Variants in JADE2 observed in about 807,000 individuals in gnomAD.
JADE2 encodes the protein E3 ubiquitin-protein ligase Jade-2.
A neutral mutation model predicts 85.7 loss-of-function variants in JADE2; 13 were observed. The observed-to-expected ratio is 0.15, with a 90% CI of 0.10 to 0.24. JADE2 has a LOEUF of 0.24. Ranked by LOEUF, JADE2 falls within the 10% of genes least tolerant of loss-of-function variation. The pLI, the probability that JADE2 is intolerant of heterozygous loss-of-function variation, is 1.00. For missense variants in JADE2, 846 were observed against 1,115.9 expected, an observed-to-expected ratio of 0.76 and a Z score of 3.45; for synonymous variants, 440 against 456.1, an observed-to-expected ratio of 0.96 and a Z score of 0.45.
At chr5:134,538,860 C>CTT (rs541295980) in intron 3 of JADE2, among the ~76,000 whole-genome samples, 2 of 141,612 alleles carry the variant, frequency 1.4e-5, no homozygotes, top group Admixed American at 7.1e-5. Flanking sequence ...AATCCTGGCT[C>CTT]TTTTTTTTTT....
chr5:134,552,758 G>T (rs1175694803), intron 4 of JADE2, among the ~76,000 whole-genome samples: 1 of 151,908 alleles, frequency 6.6e-6, no homozygotes, highest in Non-Finnish European at 1.5e-5. Context: ...CTGAAGCCTT[G>T]ACCTCCCAGG....
At chr5:134,577,314 C>T (rs540781752) in intron 11 of JADE2, among the ~76,000 whole-genome samples, 4 of 152,338 alleles carry the variant, frequency 2.6e-5, no homozygotes, top group African/African-American at 9.6e-5. Context: ...GCAGCAGACT[C>T]TCCTGGAGCT....
intron 3 of JADE2, among the ~76,000 whole-genome samples, chr5:134,540,664 C>G (rs1005122759): frequency 1.3e-5 from 2 of 152,190 alleles, no homozygotes; most frequent in African/African-American, 4.8e-5. Context: ...ACATGAAGAA[C>G]CTGTCTTTCG....
chr5:134,542,850 A>C (rs1762053331), intron 3 of JADE2, among the ~76,000 whole-genome samples: 1 of 151,934 alleles, frequency 6.6e-6, no homozygotes, highest in Non-Finnish European at 1.5e-5. Context: ...CTCTTGCCTC[A>C]GCCTCCCGAA....
intron 1 of JADE2, among the ~76,000 whole-genome samples, chr5:134,533,189 G>C (rs1761360543): frequency 6.6e-6 from 1 of 152,130 alleles, no homozygotes; most frequent in Admixed American, 6.5e-5. Context: ...CCTCCTCCAG[G>C]ACTTTCCGAC....
chr5:134,550,691 A>T (rs1762540608), intron 3 of JADE2, among the ~76,000 whole-genome samples: 2 of 152,162 alleles, frequency 1.3e-5, no homozygotes, highest in East Asian at 3.9e-4. Flanking sequence ...TTGTGGGGGG[A>T]TCACGCAGTG....
At chr5:134,539,211 G>A (rs1322919888) in intron 3 of JADE2, among the ~76,000 whole-genome samples, 15 of 152,032 alleles carry the variant, frequency 9.9e-5, no homozygotes, top group South Asian at 4.1e-4. Flanking sequence ...ACAGGCGCCC[G>A]CCACCACACC....
rs1762225644 is a variant in JADE2, at chr5:134,545,264, G to C, written c.154-6788G>C. ...GTGGGGGGCAGGATCCACTTCTATAGTTGGAAACGTTGCTGCTCCGCCAGC... is the reference window on the plus strand; with the variant it reads ...GTGGGGGGCAGGATCCACTTCTATACTTGGAAACGTTGCTGCTCCGCCAGC... On this transcript the variant is annotated intron_variant, in intron 3 of 11. Coordinates refer to ENST00000681547, the MANE Select transcript of JADE2 (RefSeq NM_001388185.1). Among the ~76,000 whole-genome samples the C allele has an allele frequency of 5.3e-5, 8 of 152,172 alleles. 1 individual carries two copies. The South Asian group carries it at 1.7e-3, about 31-fold the overall frequency.
At position 134,525,759 on chromosome 5, in the gene JADE2, G is replaced by C. The variant is rs1433277946; in HGVS notation, c.-253G>C. On this transcript the variant is annotated 5_prime_UTR_variant, in exon 1 of 12. Transcript: ENST00000681547. ...TTGGGGGGGGTGAGTAGCGTCCATG[G>C]AGTTACTTTGCGCCCACTCCTAGCG... 4.2e-6 allele frequency: 5 copies of C among 1,191,882 alleles called. No homozygotes were observed. Among genetic ancestry groups the C allele is most frequent in the Non-Finnish European group, 5.3e-6 (5 of 946,976 alleles). The allele number at this position is 1,191,882 out of a possible 1,614,324, so 73.8% of individuals were successfully genotyped here.
chr5:134,556,342 A>T (rs1762912512), intron 4 of JADE2, among the ~76,000 whole-genome samples: 1 of 152,104 alleles, frequency 6.6e-6, no homozygotes, highest in African/African-American at 2.4e-5. Flanking sequence ...CCAAGGGGAA[A>T]CCGTGCCCTC....
intron 1 of JADE2, among the ~76,000 whole-genome samples, chr5:134,527,736 G>A (rs1191898669): frequency 6.6e-6 from 1 of 151,934 alleles, no homozygotes; most frequent in East Asian, 2.0e-4. Context: ...CTGGAGGCGC[G>A]CGCAACTCCC....
intron 3 of JADE2, among the ~76,000 whole-genome samples, chr5:134,542,078 G>A (rs967045817): frequency 2.0e-5 from 3 of 152,240 alleles, no homozygotes; most frequent in Non-Finnish European, 2.9e-5. Flanking sequence ...GTGGAAGTGC[G>A]CAAAGCCTGA....
intron 4 of JADE2, among the ~76,000 whole-genome samples, chr5:134,553,759 C>G (rs1050148754): frequency 6.6e-6 from 1 of 152,250 alleles, no homozygotes; most frequent in Admixed American, 6.5e-5. Flanking sequence ...TTACCGGCCT[C>G]TGGGTAGGTT....
At chr5:134,538,633 C>T (rs1006745060) in intron 3 of JADE2, among the ~76,000 whole-genome samples, 8 of 152,100 alleles carry the variant, frequency 5.3e-5, no homozygotes, top group Admixed American at 4.6e-4. Flanking sequence ...GGTTTATGGC[C>T]TCTGGAACTG....
intron 1 of JADE2, chr5:134,526,879 A>C: frequency 3.2e-6 from 2 of 621,294 alleles, no homozygotes; most frequent in Non-Finnish European, 4.0e-6. Flanking sequence ...GTGGAAATGT[A>C]CCGGCGGCGG....
chr5:134,578,800 C>A lies in JADE2; in HGVS notation c.1988C>A (p.Thr663Lys). 1.2e-6 allele frequency: 2 copies of A among 1,613,760 alleles called. No individual in the cohort carries two copies. The change falls in exon 12 of 12, where the codon ACG (threonine) becomes AAG (lysine). Residue 663 changes from threonine to lysine, a missense_variant. By Grantham distance (78) the Thr-to-Lys change is moderately conservative. Around this residue, in one of 9 missense-constraint regions of JADE2, gnomAD observed 300 missense variants for 300.7 expected, o/e 1.00. Transcript: ENST00000681547. The surrounding 1 kb of genome is among the most constrained non-coding windows in gnomAD (Gnocchi z 4.4). ...CCGCAGGACGGGCCTGGTTCACGGA[C>A]GACTCCAGACAAAGCCCCCAAGAAG... ...PPPQDGPGSR[T>K]TPDKAPKKTW... is the part of the protein sequence containing the mutation.
At chr5:134,568,735 T>C (rs1201600566) in intron 9 of JADE2, among the ~76,000 whole-genome samples, 2 of 152,246 alleles carry the variant, frequency 1.3e-5, no homozygotes, top group Non-Finnish European at 2.9e-5. Flanking sequence ...TGAGCCAAGC[T>C]GACCCCCATC....
At chr5:134,560,258 TAGTG>T (rs1763244045) in intron 5 of JADE2, among the ~76,000 whole-genome samples, 1 of 152,094 alleles carries the variant, frequency 6.6e-6, no homozygotes, top group African/African-American at 2.4e-5. Flanking sequence ...CATGAAGAGT[TAGTG>T]AGCATGCAGG....
At position 134,566,527 on chromosome 5, in the gene JADE2, G is replaced by T. The variant is rs563826242; in HGVS notation, c.1381G>T (p.Val461Phe). ...CAACCTGGCCCAGCAGGAGCAGGAC[G>T]TCCTCTACCGCCGCCTGAAGCTCTT... ...VDNLAQQEQD[V>F]LYRRLKLFTH... is the part of the protein sequence containing the mutation. Residue 461 changes from valine (V) to phenylalanine (F), a missense_variant, in exon 9 of 12, where the codon GTC becomes TTC. Physicochemically the swap from Val to Phe is conservative, Grantham distance 50. Coordinates refer to ENST00000681547, the MANE Select transcript of JADE2 (RefSeq NM_001388185.1). This position sits in a 1 kb window ranked among gnomAD's most constrained non-coding sequence, Gnocchi z 6.7. 6.3e-7 allele frequency: 1 copy of T among 1,595,816 alleles called. No individual in the cohort carries two copies. Among genetic ancestry groups the T allele is most frequent in the South Asian group, 1.1e-5 (1 of 88,828 alleles).
Sources: gnomAD v4.1 joint callset for allele counts (sites outside exome capture counted in the v4.1 genomes callset) on GRCh38, gnomAD v4.1.1 for gene constraint, gnomAD v4.1.1 regional missense constraint, Gnocchi (gnomAD v3.1) non-coding constraint, MANE v1.5 for transcripts, NCBI Gene and HGNC (gene_info 2026-07-23, HGNC 2026-07-21) for gene names.